Variants in TAFA5 observed in about 807,000 individuals in gnomAD.
TAFA5 encodes TAFA chemokine like family member 5, also known as chemokine-like protein TAFA-5.
Under a neutral mutation model 15.3 loss-of-function variants are expected in TAFA5, and 6 were observed. That is an observed-to-expected ratio of 0.39 (90% CI 0.21 to 0.77). The LOEUF (loss-of-function observed/expected upper bound fraction) is 0.77, where lower values mean the gene tolerates loss of function less well. Among genes scored for constraint, TAFA5 ranks in the 30% least tolerant of loss-of-function variants. TAFA5 has a pLI of 0.41. For missense variants in TAFA5, 161 were observed against 193.1 expected (o/e 0.83, Z 0.98); for synonymous variants, 103 against 80.7 (o/e 1.28, Z -1.48).
At chr22:48,531,688 T>C (rs912951333) in intron 1 of TAFA5, among the ~76,000 whole-genome samples, 1 of 152,122 alleles carries the variant, frequency 6.6e-6, no homozygotes, top group African/African-American at 2.4e-5. Flanking sequence ...TGCTGAGCTG[T>C]CAGTCTCGCG....
intron 1 of TAFA5, among the ~76,000 whole-genome samples, chr22:48,580,661 G>A (rs1428416853): frequency 6.6e-6 from 1 of 152,232 alleles, no homozygotes; most frequent in Non-Finnish European, 1.5e-5. Context: ...TGCACGCGGT[G>A]TGTGTGGAAG....
intron 2 of TAFA5, among the ~76,000 whole-genome samples, chr22:48,703,237 CAT>C (rs1002499074): frequency 2.2e-4 from 33 of 151,956 alleles, no homozygotes; most frequent in Admixed American, 5.2e-4. Flanking sequence ...GTGTTGTGTA[CAT>C]GTGTGTGTGG....
At chr22:48,712,248 G>A (rs1241896974) in intron 3 of TAFA5, among the ~76,000 whole-genome samples, 1 of 152,178 alleles carries the variant, frequency 6.6e-6, no homozygotes, top group Non-Finnish European at 1.5e-5. Flanking sequence ...GTAGAGGCAG[G>A]GTTTCACCAT....
At position 48,600,239 on chromosome 22, in the gene TAFA5, G is replaced by A. The variant is rs549696658; in HGVS notation, c.113-46358G>A. Among the ~76,000 whole-genome samples the A allele has an allele frequency of 2.6e-4, 39 of 152,342 alleles. 1 individual carries two copies. In the East Asian group the frequency reaches 7.1e-3, roughly 28 times the overall value. On this transcript the variant is annotated intron_variant, in intron 1 of 3. Transcript: ENST00000402357. ...GGCAGATAAGTGAGGATGTGGTGAA[G>A]GGAAATGGGGGAGTGGACGAGGGGC... is the stretch of plus-strand genomic sequence containing the variant.
chr22:48,625,076 C>T (rs1925980160), intron 1 of TAFA5, among the ~76,000 whole-genome samples: 1 of 151,460 alleles, frequency 6.6e-6, no homozygotes, highest in African/African-American at 2.4e-5. Flanking sequence ...GATTGCTTCA[C>T]TGCACTCCAG....
At chr22:48,579,552 A>G (rs1426399559) in intron 1 of TAFA5, among the ~76,000 whole-genome samples, 1 of 152,246 alleles carries the variant, frequency 6.6e-6, no homozygotes, top group Non-Finnish European at 1.5e-5. Context: ...CGGAGACGCG[A>G]GAGGGAAGCC....
At chr22:48,710,511 A>G (rs906287654) in intron 3 of TAFA5, among the ~76,000 whole-genome samples, 11 of 152,046 alleles carry the variant, frequency 7.2e-5, no homozygotes, top group African/African-American at 2.7e-4. Flanking sequence ...GGGCCACCCA[A>G]CCAGCCTCCC....
At position 48,521,633 on chromosome 22, in the gene TAFA5, G is replaced by A. The variant is rs540853714; in HGVS notation, c.112+31929G>A. On this transcript the variant is annotated intron_variant, in intron 1 of 3. Transcript: ENST00000402357. ...GTTTATTACAAATGTGAGTTTCGGG[G>A]AGCCATCCCAGCCAGCCGCACGGGA... 6.9e-4 allele frequency among the ~76,000 whole-genome samples: 105 copies of A among 152,232 alleles called. 1 individual carries two copies. The highest frequency in any genetic ancestry group is 1.3e-3 in the Non-Finnish European group (86 of 68,012).
intron 3 of TAFA5, among the ~76,000 whole-genome samples, chr22:48,738,173 TGGGAGCCGAGCACG>T (rs1930084370): frequency 6.6e-6 from 1 of 152,162 alleles, no homozygotes; most frequent in Admixed American, 6.5e-5. Flanking sequence ...CCTGCAGAAC[TGGGAGCCGAGCACG>T]GGGAGCCCAG....
chr22:48,670,984 T>G (rs1335145101), intron 2 of TAFA5, among the ~76,000 whole-genome samples: 1 of 152,156 alleles, frequency 6.6e-6, no homozygotes, highest in Admixed American at 6.5e-5. Flanking sequence ...ACCCATAAAT[T>G]TGGAGGCCAG....
chr22:48,639,313 T>C (rs1926590897), intron 1 of TAFA5, among the ~76,000 whole-genome samples: 2 of 152,230 alleles, frequency 1.3e-5, no homozygotes, highest in South Asian at 4.1e-4. Context: ...CTGCACCTTG[T>C]TTTTGGTCTG....
intron 1 of TAFA5, among the ~76,000 whole-genome samples, chr22:48,514,001 C>G (rs1921316051): frequency 1.3e-5 from 2 of 152,124 alleles, no homozygotes; most frequent in African/African-American, 4.8e-5. Context: ...TCACTTCCCT[C>G]TGAGATCTCA....
rs186202240 is a variant in TAFA5 at position 48,631,070 on chromosome 22, G to A, written c.113-15527G>A. 7.8e-3 allele frequency among the ~76,000 whole-genome samples: 1,188 copies of A among 152,300 alleles called. 15 individuals are homozygous for A. Among genetic ancestry groups the A allele is most frequent in the African/African-American group, 0.028 (1,152 of 41,572 alleles). On this transcript the variant is annotated intron_variant, in intron 1 of 3. Coordinates refer to ENST00000402357, the MANE Select transcript of TAFA5 (RefSeq NM_001082967.3). ...TGGAGGGGGTGTGGCTCCCCGCCCT[G>A]TCCTTTCTAAGGACGGACCTCCTGG...
At chr22:48,686,899 AATGG>A (rs55750601) in intron 2 of TAFA5, among the ~76,000 whole-genome samples, 48,480 of 135,960 alleles carry the variant, frequency 0.36, 8,741 homozygotes, top group South Asian at 0.57. Flanking sequence ...TTGATGGTTG[AATGG>A]ATGGATGGAT....
chr22:48,746,815 C>T lies in TAFA5; in HGVS notation c.391-3024C>T, dbSNP rs145850313. ...GGATTGGGATGGCAGCCTGCTTCCT[C>T]AGCAGAGGGTCAGCCTGCTCCGCAC... On this transcript the variant is annotated intron_variant, in intron 3 of 3. Coordinates refer to ENST00000402357, the MANE Select transcript of TAFA5 (RefSeq NM_001082967.3). 6.2e-3 allele frequency among the ~76,000 whole-genome samples: 942 copies of T among 152,274 alleles called. 3 individuals carry two copies. The highest frequency in any genetic ancestry group is 9.2e-3 in the Non-Finnish European group (626 of 68,008).
At chr22:48,626,891 C>T (rs777504011) in intron 1 of TAFA5, among the ~76,000 whole-genome samples, 1 of 152,280 alleles carries the variant, frequency 6.6e-6, no homozygotes, top group East Asian at 1.9e-4. Flanking sequence ...GTTTAGATAC[C>T]ATTTTTCCTT....
intron 1 of TAFA5, among the ~76,000 whole-genome samples, chr22:48,607,294 C>G (rs1389098571): frequency 7.2e-6 from 1 of 139,252 alleles, no homozygotes; most frequent in South Asian, 2.3e-4. Context: ...GCAGATCTGT[C>G]CTGGGTTCTG....
chr22:48,630,690 G>T (rs1198235732), intron 1 of TAFA5, among the ~76,000 whole-genome samples: 1 of 152,180 alleles, frequency 6.6e-6, no homozygotes, highest in African/African-American at 2.4e-5. Context: ...CTCCATCAGG[G>T]GCCGCCTAGA....
At chr22:48,575,298 G>A (rs1302099654) in intron 1 of TAFA5, among the ~76,000 whole-genome samples, 2 of 151,698 alleles carry the variant, frequency 1.3e-5, no homozygotes, top group African/African-American at 2.4e-5. Context: ...CTGACCCGCC[G>A]GCGCGCCAGG....
Sources: gnomAD v4.1 joint callset for allele counts (sites outside exome capture counted in the v4.1 genomes callset) on GRCh38, gnomAD v4.1.1 for gene constraint, MANE v1.5 for transcripts, NCBI Gene and HGNC (gene_info 2026-07-23, HGNC 2026-07-21) for gene names.